Variants in TNS3 observed in about 807,000 individuals in gnomAD.
TNS3 encodes the protein tensin 3, also known as tensin-3.
A neutral mutation model predicts 140.9 loss-of-function variants in TNS3; 45 were observed. The observed-to-expected ratio is 0.32, with a 90% confidence interval of 0.25 to 0.41. TNS3 has a LOEUF of 0.41. TNS3 is among the 10% of genes least tolerant of loss of function. The pLI is 1.00. For missense variants in TNS3, 1,716 were observed against 1,906.7 expected, an observed-to-expected ratio of 0.90 and a Z score of 1.86; for synonymous variants, 815 against 788.4, an observed-to-expected ratio of 1.03 and a Z score of -0.56.
At chr7:47,446,564 T>A (rs1795740833) in intron 4 of TNS3, among the ~76,000 whole-genome samples, 1 of 152,130 alleles carries the variant, frequency 6.6e-6, no homozygotes, top group Admixed American at 6.5e-5. Flanking sequence ...CCTGTTGGCA[T>A]GCTCTTATCA....
intron 17 of TNS3, among the ~76,000 whole-genome samples, chr7:47,359,256 G>A (rs984188822): frequency 2.6e-5 from 4 of 152,260 alleles, no homozygotes; most frequent in Admixed American, 2.6e-4. Flanking sequence ...CGTCCGGCTC[G>A]AAAACATCAC....
chr7:47,401,020 G>A (rs1793130222), intron 13 of TNS3, 106 bp from the exon 14 acceptor site: 2 of 1,502,914 alleles, frequency 1.3e-6, no homozygotes, highest in South Asian at 2.5e-5. Flanking sequence ...CTCCCCTCTG[G>A]ACTCTGGCTG....
chr7:47,469,655 C>T (rs551162115), intron 4 of TNS3, among the ~76,000 whole-genome samples: 2 of 152,214 alleles, frequency 1.3e-5, no homozygotes, highest in African/African-American at 4.8e-5. Context: ...ATCCTAAGTG[C>T]CATTAAGGGT....
intron 20 of TNS3, among the ~76,000 whole-genome samples, chr7:47,308,344 G>A (rs1343915318): frequency 1.3e-5 from 2 of 152,014 alleles, no homozygotes; most frequent in African/African-American, 4.8e-5. Context: ...TATGTTCCAC[G>A]ACTCTACTTA....
At chr7:47,423,977 G>T in intron 10 of TNS3, 124 bp downstream of exon 10, 1 of 964,910 alleles carries the variant, frequency 1.0e-6, no homozygotes, top group Non-Finnish European at 1.6e-6. Context: ...CACAGTCTTT[G>T]GCATGACCCA....
Position 47,535,397 on chromosome 7 carries a change from G to A in TNS3, c.-264-6250C>T, listed in dbSNP as rs774050482. On this transcript the variant is annotated intron_variant, in intron 1 of 30. Coordinates refer to ENST00000311160, the MANE Select transcript of TNS3 (RefSeq NM_022748.12). The stretch of plus-strand genomic sequence containing the variant: ...GAGGGCTCAGCCATTTGAATTGCTG[G>A]ATCTCTGAGGAGTTCATTTAGGATA... Among the ~76,000 whole-genome samples, 107 of 152,310 alleles carry A rather than the reference G, an allele frequency of 7.0e-4. 2 individuals carry two copies. Among genetic ancestry groups the A allele is most frequent in the Middle Eastern group, 3.4e-3 (1 of 294 alleles).
Position 47,368,447 on chromosome 7 carries a change from T to G in TNS3, c.2199A>C (p.Pro733=), listed in dbSNP as rs1314534536. The G allele has an allele frequency of 6.4e-7, 1 of 1,570,276 alleles. No individual in the cohort carries two copies. Among genetic ancestry groups the G allele is most frequent in the Non-Finnish European group, 8.7e-7 (1 of 1,152,080 alleles). ...CCCGGAGCCCACCTCCCACGCTGTC[T>G]GGAGACACAGAGCCATTGGCCTGGC... ...LGSQANGSVS[P]DSVGGGLRAS... The change falls in exon 17 of 31, where the codon CCA becomes CCC. Residue 733 remains proline (P), a synonymous_variant. Coordinates refer to ENST00000311160, the MANE Select transcript of TNS3 (RefSeq NM_022748.12).
chr7:47,341,797 G>T (rs1489445259), intron 20 of TNS3, among the ~76,000 whole-genome samples: 4 of 151,690 alleles, frequency 2.6e-5, no homozygotes, highest in African/African-American at 9.7e-5. Flanking sequence ...GGTTATGGAG[G>T]TAAGAGCATA....
chr7:47,353,825 CCT>C (rs1789821572), intron 17 of TNS3, among the ~76,000 whole-genome samples: 3 of 152,276 alleles, frequency 2.0e-5, no homozygotes, highest in Admixed American at 2.0e-4. Context: ...ACCATCCTAT[CCT>C]TGAGCTTCTG....
At chr7:47,528,990 T>C in intron 2 of TNS3, 46 bp downstream of exon 2, 6 of 1,141,048 alleles carry the variant, frequency 5.3e-6, no homozygotes, top group Non-Finnish European at 6.8e-6. Flanking sequence ...TTCTTGTTTG[T>C]TTTGCTCTGG....
chr7:47,381,487 CT>C (rs1791756851), intron 16 of TNS3, among the ~76,000 whole-genome samples: 1 of 152,186 alleles, frequency 6.6e-6, no homozygotes, highest in African/African-American at 2.4e-5. Context: ...CAACCACACA[CT>C]TTTACTCTTT....
At position 47,277,818 on chromosome 7, in the gene TNS3, G is replaced by A; in HGVS notation, c.*258C>T. 1 of 549,056 alleles carries A rather than the reference G, an allele frequency of 1.8e-6. No homozygotes were observed. The highest frequency in any genetic ancestry group is 3.3e-6 in the Non-Finnish European group (1 of 300,076). The allele number at this position is 549,056 out of a possible 1,614,324, so 34.0% of individuals were successfully genotyped here. On this transcript the variant is annotated 3_prime_UTR_variant, in exon 31 of 31. Coordinates refer to ENST00000311160, the MANE Select transcript of TNS3 (RefSeq NM_022748.12). ...TCCCATGGGGACCCTAGGGGGTGGG[G>A]TGCACCCATGCCCAGCTTCTTCTAC...
rs765287235 is a variant in TNS3, at chr7:47,338,243, G to C, written c.2650+6512C>G. ...ATCACTGAGTCACATGGCAGATGTA[G>C]GTTTTTCATTTTTAAGAAATTGCCA... On this transcript the variant is annotated intron_variant, in intron 20 of 30. Coordinates refer to ENST00000311160, the MANE Select transcript of TNS3 (RefSeq NM_022748.12). Among the ~76,000 whole-genome samples the C allele has an allele frequency of 3.3e-5, 5 of 152,174 alleles. No individual in the cohort carries two copies. In the South Asian group the frequency reaches 6.2e-4, roughly 19 times the overall value.
chr7:47,579,274 C>G (rs1195444976), intron 1 of TNS3: 1 of 140,502 alleles, frequency 7.1e-6, no homozygotes, highest in Non-Finnish European at 1.5e-5. Flanking sequence ...TAGCTGATTC[C>G]CCAGTGATTT....
chr7:47,316,703 G>A (rs1398043062), intron 20 of TNS3, among the ~76,000 whole-genome samples: 6 of 150,748 alleles, frequency 4.0e-5, no homozygotes, highest in Admixed American at 2.0e-4. Flanking sequence ...ACTTGAACCC[G>A]GGAGGTGGAG....
At chr7:47,297,731 A>C (rs1786124643) in intron 23 of TNS3, among the ~76,000 whole-genome samples, 1 of 152,056 alleles carries the variant, frequency 6.6e-6, no homozygotes, top group Non-Finnish European at 1.5e-5. Flanking sequence ...CATTTTTCTT[A>C]AAGATTTTAG....
intron 23 of TNS3, among the ~76,000 whole-genome samples, chr7:47,297,470 CCT>C (rs1786106734): frequency 6.6e-6 from 1 of 152,110 alleles, no homozygotes; most frequent in Non-Finnish European, 1.5e-5. Context: ...CAGGAACATC[CCT>C]CTCTTTAGCT....
rs1285684203 is a variant in TNS3, at chr7:47,398,032, C to A, written c.920-1128G>T. On this transcript the variant is annotated intron_variant, in intron 15 of 30. Transcript: ENST00000311160. The stretch of plus-strand genomic sequence containing the variant: ...AGATCATTCAAGACTATTATGAACA[C>A]CTTTATGTATATAAACTACAAAACT... Among the ~76,000 whole-genome samples, 3 of 152,128 alleles carry A rather than the reference C, an allele frequency of 2.0e-5. No individual in the cohort carries two copies. The East Asian group carries it at 5.8e-4, about 29-fold the overall frequency.
chr7:47,369,681 C>T, intron 16 of TNS3, 60 bp from the exon 17 acceptor site: 1 of 1,492,524 alleles, frequency 6.7e-7, no homozygotes, highest in South Asian at 1.3e-5. Context: ...GCCTCACACC[C>T]TCTGAATGGG....
Sources: gnomAD v4.1 joint callset for allele counts (sites outside exome capture counted in the v4.1 genomes callset) on GRCh38, gnomAD v4.1.1 for gene constraint, MANE v1.5 for transcripts, NCBI Gene and HGNC (gene_info 2026-07-23, HGNC 2026-07-21) for gene names.